Variants in FRMPD4 observed in about 807,000 individuals in gnomAD.
The protein encoded by FRMPD4 is FERM and PDZ domain containing 4, also known as FERM and PDZ domain-containing protein 4.
A neutral mutation model predicts 94.1 loss-of-function variants in FRMPD4; 22 were observed. The ratio of observed to expected loss-of-function variants is 0.23; its 90% CI spans 0.17 to 0.33. FRMPD4 has a LOEUF of 0.33. Ranked by LOEUF, FRMPD4 falls within the 10% of genes least tolerant of loss-of-function variation. FRMPD4 has a pLI of 1.00. For missense variants in FRMPD4, 1,111 were observed against 1,339.9 expected, an observed-to-expected ratio of 0.83 and a Z score of 2.67; for synonymous variants, 631 against 548.6, an observed-to-expected ratio of 1.15 and a Z score of -2.10.
chrX:11,968,674 C>T (rs2054324692), intron 3 of FRMPD4, among the ~76,000 whole-genome samples: 1 of 111,140 alleles, frequency 9.0e-6, no homozygotes, highest in Non-Finnish European at 1.9e-5. Context: ...CTCGGTTGGC[C>T]ACTCCTGAAT....
At chrX:12,010,341 C>T (rs999665917) in intron 3 of FRMPD4, among the ~76,000 whole-genome samples, 2 of 111,907 alleles carry the variant, frequency 1.8e-5, no homozygotes, top group East Asian at 5.6e-4. Context: ...TTCTTGTAAA[C>T]GAAAAATTCT....
intron 3 of FRMPD4, among the ~76,000 whole-genome samples, chrX:12,116,709 C>T (rs181376765): frequency 8.9e-6 from 1 of 112,018 alleles, no homozygotes; most frequent in East Asian, 2.8e-4. Flanking sequence ...ATTTTTGGAT[C>T]TGTCAGCTTT....
At chrX:11,961,696 T>C (rs1382402948) in intron 3 of FRMPD4, among the ~76,000 whole-genome samples, 1 of 110,761 alleles carries the variant, frequency 9.0e-6, no homozygotes, top group African/African-American at 3.3e-5. Context: ...TTTCAGATTT[T>C]GAGTGTGAGT....
At chrX:12,323,824 T>A (rs147775330) in intron 1 of FRMPD4, among the ~76,000 whole-genome samples, 1 of 111,260 alleles carries the variant, frequency 9.0e-6, no homozygotes, top group East Asian at 2.8e-4. Flanking sequence ...GAATCCTATG[T>A]GTATAAATCT....
intron 1 of FRMPD4, among the ~76,000 whole-genome samples, chrX:12,470,113 C>A (rs2057493391): frequency 8.9e-6 from 1 of 111,934 alleles, no homozygotes; most frequent in Non-Finnish European, 1.9e-5. Flanking sequence ...ATTACAAAAT[C>A]CAATAAGGAG....
chrX:12,539,409 C>T (rs1258435531), intron 2 of FRMPD4, among the ~76,000 whole-genome samples: 20 of 111,491 alleles, frequency 1.8e-4, no homozygotes. Flanking sequence ...CAAGGCAGGC[C>T]AACATTCAAA....
At chrX:11,973,220 A>T (rs758024679) in intron 3 of FRMPD4, among the ~76,000 whole-genome samples, 211 of 112,700 alleles carry the variant, frequency 1.9e-3, no homozygotes, top group South Asian at 2.6e-3. Context: ...TCAGACTTCC[A>T]TCTATAGCTA....
chrX:11,983,314 T>C (rs1161906964), intron 3 of FRMPD4, among the ~76,000 whole-genome samples: 1 of 112,159 alleles, frequency 8.9e-6, no homozygotes, highest in Admixed American at 9.4e-5. Context: ...GAAAGGGTGG[T>C]CTAGTATACT....
chrX:12,694,509 G>A, intron 9 of FRMPD4, 55 bp downstream of exon 9: 1 of 959,818 alleles, frequency 1.0e-6, no homozygotes, highest in Admixed American at 2.4e-5. Flanking sequence ...AACTAACTCT[G>A]GGGCTTTGCC....
intron 1 of FRMPD4, among the ~76,000 whole-genome samples, chrX:11,836,143 T>G (rs1290826964): frequency 1.8e-5 from 2 of 111,276 alleles, no homozygotes; most frequent in African/African-American, 3.3e-5. Context: ...TCCTGACATA[T>G]CTTTTCCTCT....
At chrX:12,537,175 G>T (rs1263996622) in intron 2 of FRMPD4, among the ~76,000 whole-genome samples, 1 of 111,396 alleles carries the variant, frequency 9.0e-6, no homozygotes, top group Non-Finnish European at 1.9e-5. Flanking sequence ...TAAAGTCTTT[G>T]TGTGTCTAAA....
At chrX:12,671,285 C>T (rs1466961002) in intron 4 of FRMPD4, among the ~76,000 whole-genome samples, 3 of 111,661 alleles carry the variant, frequency 2.7e-5, no homozygotes, top group Non-Finnish European at 5.6e-5. Flanking sequence ...AACATGCACA[C>T]GTATGTTTAT....
intron 7 of FRMPD4, among the ~76,000 whole-genome samples, chrX:12,687,898 C>A (rs1406460198): frequency 8.9e-6 from 1 of 111,848 alleles, no homozygotes; most frequent in Admixed American, 9.5e-5. Flanking sequence ...AGTATCCAGT[C>A]TCTCCAGAGT....
intron 3 of FRMPD4, among the ~76,000 whole-genome samples, chrX:11,997,792 G>A (rs1365358560): frequency 9.0e-6 from 1 of 111,131 alleles, no homozygotes; most frequent in African/African-American, 3.3e-5. Context: ...AATCAATGGG[G>A]CAGGGAAGTA....
chrX:12,218,909 T>A (rs2056835500), intron 1 of FRMPD4, among the ~76,000 whole-genome samples: 1 of 112,507 alleles, frequency 8.9e-6, no homozygotes, highest in Non-Finnish European at 1.9e-5. Flanking sequence ...TGATGGGTTT[T>A]TAGTAAAATG....
intron 3 of FRMPD4, among the ~76,000 whole-genome samples, chrX:12,051,010 G>T (rs911106331): frequency 2.7e-5 from 3 of 111,532 alleles, no homozygotes; most frequent in Admixed American, 1.9e-4. Flanking sequence ...AGAGCTCCAT[G>T]TATTAATATA....
intron 3 of FRMPD4, among the ~76,000 whole-genome samples, chrX:12,024,053 G>A (rs1342471229): frequency 1.8e-5 from 2 of 111,423 alleles, no homozygotes; most frequent in African/African-American, 6.5e-5. Context: ...TACTAATTCA[G>A]ACAGATATGA....
intron 2 of FRMPD4, among the ~76,000 whole-genome samples, chrX:12,559,582 G>A (rs988989873): frequency 8.3e-5 from 9 of 109,041 alleles, no homozygotes; most frequent in Middle Eastern, 4.3e-3. Flanking sequence ...CCTGGGAGGC[G>A]GAGGTTGCAG....
chrX:12,182,577 A>AAT (rs1251244591), intron 1 of FRMPD4, among the ~76,000 whole-genome samples: 26 of 107,177 alleles, frequency 2.4e-4, no homozygotes, highest in South Asian at 1.7e-3. Context: ...TAAATAAATA[A>AAT]ATATATATAT....
Sources: gnomAD v4.1 joint callset for allele counts (sites outside exome capture counted in the v4.1 genomes callset) on GRCh38, gnomAD v4.1.1 for gene constraint, MANE v1.5 for transcripts, NCBI Gene and HGNC (gene_info 2026-07-23, HGNC 2026-07-21) for gene names.